SOX6: variants seen among roughly 807,000 people sequenced by gnomAD.
The protein encoded by SOX6 is transcription factor SOX-6.
Under a neutral mutation model 97.8 loss-of-function variants are expected in SOX6, and 11 were observed. That is an observed-to-expected ratio of 0.11 (90% confidence interval 0.07 to 0.19). SOX6 has a LOEUF of 0.19. Among genes scored for constraint, SOX6 ranks in the 10% least tolerant of loss-of-function variants. SOX6 has a pLI of 1.00. For synonymous variants in SOX6, 360 were observed against 371.4 expected, an observed-to-expected ratio of 0.97 and a Z score of 0.35; for missense variants, 810 against 1,039.5, an observed-to-expected ratio of 0.78 and a Z score of 3.04.
intron 4 of SOX6, among the ~76,000 whole-genome samples, chr11:16,191,854 TTTTTTTTCTTTTTTTTTC>T (rs947920707): frequency 2.3e-5 from 2 of 86,112 alleles, no homozygotes; most frequent in African/African-American, 8.5e-5. Context: ...TTTTTTTTTC[TTTTTTTTCTTTTTTTTTC>T]TTTTTTTTTG....
At chr11:16,567,561 C>CTT (rs59320140) in intron 4 of SOX6, among the ~76,000 whole-genome samples, 9,483 of 87,620 alleles carry the variant, frequency 0.11, 1,062 homozygotes, top group East Asian at 0.16. Flanking sequence ...ATATTTTTTT[C>CTT]TTTTTTTTTT....
At chr11:16,127,042 C>T (rs1169768131) in intron 6 of SOX6, among the ~76,000 whole-genome samples, 1 of 152,022 alleles carries the variant, frequency 6.6e-6, no homozygotes, top group Non-Finnish European at 1.5e-5. Context: ...TGATGACAAT[C>T]CAACCTCTTT....
intron 13 of SOX6, among the ~76,000 whole-genome samples, chr11:16,010,182 C>T (rs1490567245): frequency 7.2e-6 from 1 of 139,718 alleles, no homozygotes; most frequent in Non-Finnish European, 1.6e-5. Context: ...ACAAATAAAG[C>T]TTCAGAAGGG....
chr11:16,055,857 T>C lies in SOX6; in HGVS notation c.1146A>G (p.Gly382=). Reference sequence around the variant, plus strand: ...GCTGTGGAGTTGATGGCATCTTTGCTCCAGGTGACACCTGCATGCTGGCCA... The same window carrying C: ...GCTGTGGAGTTGATGGCATCTTTGCCCCAGGTGACACCTGCATGCTGGCCA... ...AQLASMQVSP[G]AKMPSTPQPP... Residue 382 remains glycine, a synonymous_variant, in exon 10 of 16, where the codon GGA becomes GGG. Coordinates refer to ENST00000683767, the MANE Select transcript of SOX6 (RefSeq NM_001367873.1). 2 of 1,613,830 alleles carry C rather than the reference T, an allele frequency of 1.2e-6. No homozygotes were observed. The highest frequency in any genetic ancestry group is 1.7e-6 in the Non-Finnish European group (2 of 1,179,832).
chr11:16,516,194 T>A (rs1338622366), intron 4 of SOX6, among the ~76,000 whole-genome samples: 1 of 151,332 alleles, frequency 6.6e-6, no homozygotes, highest in Non-Finnish European at 1.5e-5. Flanking sequence ...GGAGTGTTCT[T>A]CCATTTGTTT....
At chr11:16,059,935 C>T (rs1316515197) in intron 9 of SOX6, among the ~76,000 whole-genome samples, 1 of 151,886 alleles carries the variant, frequency 6.6e-6, no homozygotes, top group Non-Finnish European at 1.5e-5. Context: ...CGAGATGAAA[C>T]ATGTTGACTA....
intron 6 of SOX6, among the ~76,000 whole-genome samples, chr11:16,118,399 G>C (rs1030102719): frequency 1.3e-5 from 2 of 152,242 alleles, no homozygotes; most frequent in African/African-American, 4.8e-5. Flanking sequence ...CAAGACAGCA[G>C]CAGATGTGTG....
intron 1 of SOX6, among the ~76,000 whole-genome samples, chr11:16,363,817 C>T (rs1009749225): frequency 4.0e-5 from 6 of 150,868 alleles, no homozygotes; most frequent in Admixed American, 1.3e-4. Flanking sequence ...AAAAAAAGTA[C>T]GTTAGAAGTT....
intron 4 of SOX6, among the ~76,000 whole-genome samples, chr11:16,539,289 A>T (rs1291034702): frequency 6.6e-6 from 1 of 152,226 alleles, no homozygotes; most frequent in African/African-American, 2.4e-5. Context: ...AAGACACAAC[A>T]TACCAGAATC....
intron 4 of SOX6, among the ~76,000 whole-genome samples, chr11:16,487,243 C>A (rs1860451457): frequency 6.6e-6 from 1 of 151,978 alleles, no homozygotes. Context: ...TGGAATTTAG[C>A]TAAAAAATTA....
At chr11:16,642,010 T>G (rs1190922153) in intron 3 of SOX6, among the ~76,000 whole-genome samples, 3 of 152,220 alleles carry the variant, frequency 2.0e-5, no homozygotes, top group African/African-American at 4.8e-5. Context: ...CTCGATGGTC[T>G]TTACAATTTA....
At chr11:16,125,743 A>G (rs1849592196) in intron 6 of SOX6, among the ~76,000 whole-genome samples, 2 of 151,926 alleles carry the variant, frequency 1.3e-5, no homozygotes, top group African/African-American at 4.8e-5. Context: ...ACTCAGGTCA[A>G]GAGACAGAAA....
intron 3 of SOX6, among the ~76,000 whole-genome samples, chr11:16,261,111 T>C (rs1182774039): frequency 1.3e-5 from 2 of 152,182 alleles, no homozygotes; most frequent in Admixed American, 1.3e-4. Context: ...ACCTAAATCA[T>C]GACTTTTGTC....
At chr11:16,457,534 A>G (rs574151132) in intron 1 of SOX6, among the ~76,000 whole-genome samples, 1 of 152,160 alleles carries the variant, frequency 6.6e-6, no homozygotes, top group East Asian at 1.9e-4. Flanking sequence ...AATCTTCTCA[A>G]CAACCATACC....
intron 2 of SOX6, among the ~76,000 whole-genome samples, chr11:16,330,303 C>T (rs965347691): frequency 2.0e-5 from 3 of 152,164 alleles, no homozygotes; most frequent in Non-Finnish European, 4.4e-5. Flanking sequence ...CCTATAATCC[C>T]AGCACTTTGG....
At chr11:16,294,474 C>G (rs948323142) in intron 3 of SOX6, among the ~76,000 whole-genome samples, 18 of 152,014 alleles carry the variant, frequency 1.2e-4, no homozygotes, top group Admixed American at 9.8e-4. Context: ...AAATGTTAAT[C>G]TGGTGTGGTA....
intron 9 of SOX6, among the ~76,000 whole-genome samples, chr11:16,072,983 C>G (rs942036611): frequency 1.3e-5 from 2 of 152,120 alleles, no homozygotes; most frequent in Non-Finnish European, 2.9e-5. Context: ...TACCACCCAC[C>G]ACAAAAACAC....
At chr11:16,346,699 C>A (rs1856785907) in intron 1 of SOX6, among the ~76,000 whole-genome samples, 1 of 152,036 alleles carries the variant, frequency 6.6e-6, no homozygotes, top group South Asian at 2.1e-4. Flanking sequence ...GAGTTTGTAG[C>A]AGCACTTTCA....
At chr11:16,228,445 G>GTAGGGAGTTAAGGAGAGATTTTCTA (rs1852748207) in intron 4 of SOX6, among the ~76,000 whole-genome samples, 1 of 152,088 alleles carries the variant, frequency 6.6e-6, no homozygotes, top group South Asian at 2.1e-4. Context: ...TGAAAAAATG[G>GTAGGGAGTTAAGGAGAGATTTTCTA]TAGGGAGTTA....
Sources: gnomAD v4.1 joint callset for allele counts (sites outside exome capture counted in the v4.1 genomes callset) on GRCh38, gnomAD v4.1.1 for gene constraint, MANE v1.5 for transcripts, NCBI Gene and HGNC (gene_info 2026-07-23, HGNC 2026-07-21) for gene names.